OSBPL3: variants seen among roughly 807,000 people sequenced by gnomAD.
OSBPL3 encodes oxysterol-binding protein-related protein 3.
A neutral mutation model predicts 120.1 loss-of-function variants in OSBPL3; 65 were observed. The ratio of observed to expected loss-of-function variants is 0.54; its 90% CI spans 0.44 to 0.67. The LOEUF (loss-of-function observed/expected upper bound fraction) is 0.67. OSBPL3 is among the 30% of genes least tolerant of loss of function. The pLI, the probability that OSBPL3 is intolerant of heterozygous loss-of-function variation, is 0.00. For missense variants in OSBPL3, 1,004 were observed against 1,082.1 expected (o/e 0.93, Z 1.01); for synonymous variants, 416 against 402.6 (o/e 1.03, Z -0.40).
intron 1 of OSBPL3, 88 bp downstream of exon 1, chr7:24,979,788 AACCGCGGCGC>A: frequency 1.5e-6 from 1 of 665,584 alleles, no homozygotes; most frequent in Non-Finnish European, 1.8e-6. Context: ...TCCGGCAGAG[AACCGCGGCGC>A]CCCGCAAACA....
At chr7:24,951,868 G>C (rs544272048) in intron 1 of OSBPL3, among the ~76,000 whole-genome samples, 1 of 152,030 alleles carries the variant, frequency 6.6e-6, no homozygotes, top group African/African-American at 2.4e-5. Flanking sequence ...CAACACCCAC[G>C]GTACATCTTT....
chr7:24,963,709 G>A (rs896682984), intron 1 of OSBPL3, among the ~76,000 whole-genome samples: 2 of 152,188 alleles, frequency 1.3e-5, no homozygotes, highest in Non-Finnish European at 2.9e-5. Context: ...CCAAAGAGGC[G>A]TAACCTTAGA....
intron 1 of OSBPL3, among the ~76,000 whole-genome samples, chr7:24,948,673 C>T (rs1814031439): frequency 2.0e-5 from 3 of 152,186 alleles, no homozygotes; most frequent in Admixed American, 6.5e-5. Flanking sequence ...CTTAATTCTA[C>T]ATCTTTACTT....
intron 12 of OSBPL3, among the ~76,000 whole-genome samples, chr7:24,844,521 G>A (rs1345900395): frequency 2.0e-5 from 3 of 152,090 alleles, no homozygotes; most frequent in Admixed American, 2.0e-4. Context: ...AAAAGGGAGG[G>A]AAAGGAACAT....
In OSBPL3 at chr7:24,952,531, G is replaced by C. The variant is rs752296311; in HGVS notation, c.-150+27355C>G. Among the ~76,000 whole-genome samples the C allele has an allele frequency of 4.6e-5, 7 of 152,186 alleles. No individual in the cohort carries two copies. Among genetic ancestry groups the C allele is most frequent in the Non-Finnish European group, 8.8e-5 (6 of 68,034 alleles). On this transcript the variant is annotated intron_variant, in intron 1 of 22. Coordinates refer to ENST00000313367, the MANE Select transcript of OSBPL3 (RefSeq NM_015550.4). This position sits in a 1 kb window ranked among gnomAD's most constrained non-coding sequence, Gnocchi z 4.4. ...TATCCTGAAATTGGATGAAATTTTA[G>C]ATGTTGCTCTATAAATATGGAAAGA...
chr7:24,924,739 C>A (rs1810830818), intron 1 of OSBPL3, among the ~76,000 whole-genome samples: 1 of 151,896 alleles, frequency 6.6e-6, no homozygotes, highest in African/African-American at 2.4e-5. Flanking sequence ...TGTCCTGAGG[C>A]CTGTATGAGC....
chr7:24,960,270 T>C (rs1161592613), intron 1 of OSBPL3, among the ~76,000 whole-genome samples: 1 of 152,160 alleles, frequency 6.6e-6, no homozygotes, highest in African/African-American at 2.4e-5. Flanking sequence ...CTCATTAGTC[T>C]TCTAAAAATA....
intron 7 of OSBPL3, among the ~76,000 whole-genome samples, chr7:24,864,572 G>A (rs1191432752): frequency 6.6e-6 from 1 of 152,166 alleles, no homozygotes; most frequent in Non-Finnish European, 1.5e-5. Flanking sequence ...TTCAACAAGA[G>A]ATAATGCAAT....
chr7:24,941,138 G>A (rs1372581882), intron 1 of OSBPL3, among the ~76,000 whole-genome samples: 2 of 152,088 alleles, frequency 1.3e-5, no homozygotes, highest in African/African-American at 4.8e-5. Flanking sequence ...TTCTTTTAAG[G>A]AGAATTCTAT....
rs536794617 is a variant in OSBPL3, at chr7:24,862,219, T to A, written c.871-450A>T. On this transcript the variant is annotated intron_variant, in intron 9 of 22. Coordinates refer to ENST00000313367, the MANE Select transcript of OSBPL3 (RefSeq NM_015550.4). This position sits in a 1 kb window ranked among gnomAD's most constrained non-coding sequence, Gnocchi z 4.4. ...TCTTTCTACTGAGTGATAACTTATT[T>A]TAAAAAATGAGAACTCAAGACAACA... Among the ~76,000 whole-genome samples the A allele has an allele frequency of 1.1e-3, 166 of 152,258 alleles. No homozygotes were observed. Among genetic ancestry groups the A allele is most frequent in the Non-Finnish European group, 1.8e-3 (120 of 68,010 alleles).
rs1252566606 is a variant in OSBPL3, at chr7:24,965,586, G to T, written c.-150+14300C>A. 1.3e-5 allele frequency among the ~76,000 whole-genome samples: 2 copies of T among 152,124 alleles called. No homozygotes were observed. Among genetic ancestry groups the T allele is most frequent in the Non-Finnish European group, 2.9e-5 (2 of 68,024 alleles). ...AACCAATGCTTGGATTTGCTAAGGGGTCCATGAACCAGAGTCAGTATCTCC... is the reference window on the plus strand; with the variant it reads ...AACCAATGCTTGGATTTGCTAAGGGTTCCATGAACCAGAGTCAGTATCTCC... On this transcript the variant is annotated intron_variant, in intron 1 of 22. Transcript: ENST00000313367. This position sits in a 1 kb window ranked among gnomAD's most constrained non-coding sequence, Gnocchi z 4.3.
In OSBPL3 at chr7:24,834,217, A is replaced by C; in HGVS notation, c.1746+269T>G. The C allele has an allele frequency of 8.5e-7, 1 of 1,174,952 alleles. No individual in the cohort carries two copies. The highest frequency in any genetic ancestry group is 3.4e-5 in the South Asian group (1 of 29,366). The allele number at this position is 1,174,952 out of a possible 1,614,324, so 72.8% of individuals were successfully genotyped here. ...GAACAATCAGCCAGAAGGCTTCTGG[A>C]GAAAGAGGAAGCACAAACCCACAGA... On this transcript the variant is annotated intron_variant, in intron 15 of 22. Coordinates refer to ENST00000313367, the MANE Select transcript of OSBPL3 (RefSeq NM_015550.4). The surrounding 1 kb of genome is among the most constrained non-coding windows in gnomAD (Gnocchi z 5.2).
At chr7:24,917,900 T>C (rs746491060) in intron 1 of OSBPL3, 22 of 166,226 alleles carry the variant, frequency 1.3e-4, no homozygotes, top group Non-Finnish European at 2.7e-4. Context: ...GTTAACTTGG[T>C]TGAACTCATT....
chr7:24,957,259 G>C (rs1032575288), intron 1 of OSBPL3, among the ~76,000 whole-genome samples: 1 of 150,464 alleles, frequency 6.6e-6, no homozygotes, highest in Non-Finnish European at 1.5e-5. Context: ...TCCAATGCCT[G>C]CCTTCCGGTC....
chr7:24,868,505 T>A (rs1352615206), intron 5 of OSBPL3, among the ~76,000 whole-genome samples: 1 of 151,924 alleles, frequency 6.6e-6, no homozygotes, highest in Non-Finnish European at 1.5e-5. Context: ...TAGGTTAACT[T>A]CCAAGATGAA....
intron 1 of OSBPL3, among the ~76,000 whole-genome samples, chr7:24,907,068 G>A (rs561459819): frequency 3.3e-5 from 5 of 152,190 alleles, no homozygotes; most frequent in African/African-American, 1.2e-4. Flanking sequence ...CCCCAGTAGT[G>A]TAGATTCTCT....
chr7:24,850,402 C>T (rs1408293680), intron 11 of OSBPL3, among the ~76,000 whole-genome samples: 4 of 152,214 alleles, frequency 2.6e-5, no homozygotes, highest in African/African-American at 9.7e-5. Context: ...CGGGTGCTCG[C>T]ATGCAGATTC....
chr7:24,895,590 G>A (rs1806024054), intron 1 of OSBPL3, among the ~76,000 whole-genome samples: 1 of 152,178 alleles, frequency 6.6e-6, no homozygotes, highest in African/African-American at 2.4e-5. Flanking sequence ...TATCCCAGGT[G>A]CCAAGATGGT....
chr7:24,869,409 A>G (rs192641987), intron 5 of OSBPL3, among the ~76,000 whole-genome samples: 1 of 152,316 alleles, frequency 6.6e-6, no homozygotes, highest in African/African-American at 2.4e-5. Flanking sequence ...AGAAAAAACG[A>G]TAGTATTCTT....
Sources: gnomAD v4.1 joint callset for allele counts (sites outside exome capture counted in the v4.1 genomes callset) on GRCh38, gnomAD v4.1.1 for gene constraint, Gnocchi (gnomAD v3.1) non-coding constraint, MANE v1.5 for transcripts, NCBI Gene and HGNC (gene_info 2026-07-23, HGNC 2026-07-21) for gene names.